GRIP1: variants seen among roughly 807,000 people sequenced by gnomAD.
GRIP1 encodes the protein glutamate receptor-interacting protein 1.
A neutral mutation model predicts 129.9 loss-of-function variants in GRIP1; 45 were observed. That is an observed-to-expected ratio of 0.35 (90% CI 0.27 to 0.44). GRIP1 has a LOEUF of 0.44. Ranked by LOEUF, GRIP1 falls within the 20% of genes least tolerant of loss-of-function variation. The pLI, the probability that GRIP1 is intolerant of heterozygous loss-of-function variation, is 1.00. For synonymous variants in GRIP1, 530 were observed against 520.8 expected, an observed-to-expected ratio of 1.02 and a Z score of -0.24; for missense variants, 1,196 against 1,396.8, an observed-to-expected ratio of 0.86 and a Z score of 2.29.
chr12:66,764,346 T>C (rs570210894), intron 1 of GRIP1, among the ~76,000 whole-genome samples: 7 of 152,354 alleles, frequency 4.6e-5, no homozygotes, highest in Non-Finnish European at 8.8e-5. Context: ...GTTTAGCTAC[T>C]GGATCATCAC....
At chr12:66,478,869 G>C (rs1485077999) in intron 7 of GRIP1, among the ~76,000 whole-genome samples, 1 of 152,098 alleles carries the variant, frequency 6.6e-6, no homozygotes, top group Non-Finnish European at 1.5e-5. Context: ...TCACACCCTG[G>C]TGCCTGTTAT....
chr12:66,899,915 T>C (rs115010336), intron 1 of GRIP1, among the ~76,000 whole-genome samples: 271 of 152,090 alleles, frequency 1.8e-3, no homozygotes, highest in African/African-American at 6.3e-3. Context: ...ATATATGTGA[T>C]TTTCAGGCAG....
At chr12:66,564,808 T>C (rs1289507093) in intron 2 of GRIP1, among the ~76,000 whole-genome samples, 1 of 152,244 alleles carries the variant, frequency 6.6e-6, no homozygotes. Context: ...GACTTTTTAA[T>C]GATCGCCATT....
At chr12:66,616,720 G>A (rs1001774255) in intron 1 of GRIP1, among the ~76,000 whole-genome samples, 1 of 152,088 alleles carries the variant, frequency 6.6e-6, no homozygotes, top group African/African-American at 2.4e-5. Context: ...CTCAGTCTCA[G>A]AACTTTAAAG....
At chr12:66,830,223 C>T (rs549339393) in intron 1 of GRIP1, among the ~76,000 whole-genome samples, 16 of 152,256 alleles carry the variant, frequency 1.1e-4, no homozygotes, top group African/African-American at 1.4e-4. Flanking sequence ...CACTGCCCCG[C>T]GATGCCCAGA....
At chr12:66,383,522 C>T (rs2056216422) in intron 19 of GRIP1, among the ~76,000 whole-genome samples, 1 of 152,122 alleles carries the variant, frequency 6.6e-6, no homozygotes. Flanking sequence ...GTGATTTACC[C>T]AACTGGTGAG....
At chr12:66,393,449 G>A (rs776968484) in intron 17 of GRIP1, among the ~76,000 whole-genome samples, 1 of 152,062 alleles carries the variant, frequency 6.6e-6, no homozygotes, top group Non-Finnish European at 1.5e-5. Flanking sequence ...TGGGATTACA[G>A]GTGTGAGCCA....
At position 67,001,493 on chromosome 12, in the gene GRIP1, T is replaced by C. The variant is rs536573690; in HGVS notation, c.58+67557A>G. Among the ~76,000 whole-genome samples, 9 of 152,308 alleles carry C rather than the reference T, an allele frequency of 5.9e-5. No individual in the cohort carries two copies. In the South Asian group the frequency reaches 1.9e-3, roughly 32 times the overall value. ...GGTCACAAGCTGACAGTCCCAGACA[T>C]GCATTATTTGGCTCACATCGTGTGA... On this transcript the variant is annotated intron_variant, in intron 1 of 1. Transcript: ENST00000643019.
At chr12:66,771,033 C>T (rs2037801286) in intron 1 of GRIP1, among the ~76,000 whole-genome samples, 1 of 152,062 alleles carries the variant, frequency 6.6e-6, no homozygotes, top group South Asian at 2.1e-4. Flanking sequence ...GCGGAAATTG[C>T]AGTGAGCCAA....
chr12:67,000,803 T>G (rs1251424628), intron 1 of GRIP1, among the ~76,000 whole-genome samples: 1 of 152,198 alleles, frequency 6.6e-6, no homozygotes, highest in East Asian at 1.9e-4. Context: ...AAGTTCATGA[T>G]ATAGGGTTGT....
chr12:66,599,991 A>G (rs769842001), intron 1 of GRIP1, among the ~76,000 whole-genome samples: 8 of 152,184 alleles, frequency 5.3e-5, no homozygotes, highest in Non-Finnish European at 8.8e-5. Flanking sequence ...GGAGTGAGTG[A>G]GTGGGCACAC....
intron 1 of GRIP1, among the ~76,000 whole-genome samples, chr12:66,775,994 G>A (rs1340865340): frequency 2.0e-5 from 3 of 152,154 alleles, no homozygotes; most frequent in African/African-American, 4.8e-5. Flanking sequence ...GGACCCACAC[G>A]TTCTGGGAAC....
chr12:66,540,060 T>C (rs1300880345), intron 3 of GRIP1, among the ~76,000 whole-genome samples: 3 of 152,218 alleles, frequency 2.0e-5, no homozygotes, highest in Non-Finnish European at 2.9e-5. Context: ...CCTAATCTGC[T>C]CCAGTCTGCA....
chr12:66,808,400 C>T (rs765364233), upstream of GRIP1, among the ~76,000 whole-genome samples: 7 of 152,036 alleles, frequency 4.6e-5, no homozygotes, highest in South Asian at 2.1e-4. Context: ...CAGGTTCAAG[C>T]GATTCTCCTG....
At chr12:66,512,345 T>G (rs535323620) in intron 7 of GRIP1, among the ~76,000 whole-genome samples, 1 of 152,228 alleles carries the variant, frequency 6.6e-6, no homozygotes, top group East Asian at 1.9e-4. Context: ...GTGGGAAAGT[T>G]TGGAAATTCC....
At chr12:66,723,304 C>CTTTCT (rs2036145905) in intron 1 of GRIP1, among the ~76,000 whole-genome samples, 3 of 58,430 alleles carry the variant, frequency 5.1e-5, no homozygotes, top group African/African-American at 2.5e-4. Flanking sequence ...TTCTTTCTTT[C>CTTTCT]TTTTTTTTTT....
chr12:66,474,278 A>C (rs1592387373), intron 7 of GRIP1, among the ~76,000 whole-genome samples: 1 of 152,092 alleles, frequency 6.6e-6, no homozygotes, highest in Non-Finnish European at 1.5e-5. Context: ...ACAAGATTAG[A>C]GGAAAAATAA....
intron 1 of GRIP1, among the ~76,000 whole-genome samples, chr12:66,624,492 T>C (rs1252728831): frequency 6.6e-6 from 1 of 152,160 alleles, no homozygotes; most frequent in African/African-American, 2.4e-5. Context: ...AAATGTCTCT[T>C]GCCTCTGAAT....
chr12:66,968,731 T>G (rs1163222394), intron 1 of GRIP1, among the ~76,000 whole-genome samples: 7 of 152,128 alleles, frequency 4.6e-5, no homozygotes, highest in African/African-American at 1.7e-4. Context: ...TTACAATTAT[T>G]AGTTTAAACA....
Sources: allele counts gnomAD v4.1 joint callset (sites outside exome capture counted in the v4.1 genomes callset), GRCh38; gene constraint gnomAD v4.1.1; transcripts MANE v1.5; gene names NCBI Gene and HGNC (gene_info 2026-07-23, HGNC 2026-07-21).